LMOD1: variants seen among roughly 807,000 people sequenced by gnomAD.
The protein encoded by LMOD1 is leiomodin 1, also known as leiomodin-1.
LMOD1 carries 8 observed loss-of-function variants against 36.5 expected under a neutral mutation model. The ratio of observed to expected loss-of-function variants is 0.22; its 90% CI spans 0.13 to 0.40. The LOEUF is 0.40. Ranked by LOEUF, LMOD1 falls within the 10% of genes least tolerant of loss-of-function variation. The probability of loss-of-function intolerance (pLI) is 1.00; values close to 1 mark genes in which losing one functional copy is unlikely to be tolerated. For missense variants in LMOD1, 630 were observed against 751.1 expected, an observed-to-expected ratio of 0.84 and a Z score of 1.88; for synonymous variants, 284 against 288.7, an observed-to-expected ratio of 0.98 and a Z score of 0.17.
At chr1:201,911,952 A>G (rs934332226) in intron 1 of LMOD1, among the ~76,000 whole-genome samples, 13 of 152,226 alleles carry the variant, frequency 8.5e-5, no homozygotes, top group African/African-American at 1.7e-4. Context: ...CCTGGGGCAC[A>G]GAGCAGGGCC....
rs752738180 is a variant in LMOD1 at position 201,900,022 on chromosome 1, C to T, written c.991G>A (p.Glu331Lys). The T allele has an allele frequency of 1.8e-5, 29 of 1,613,688 alleles. No homozygotes were observed. Among genetic ancestry groups the T allele is most frequent in the East Asian group, 8.9e-5 (4 of 44,880 alleles). Reference protein sequence around the residue: ...PLERVKNNDPEMTEVNVNNSD... With the variant: ...PLERVKNNDPKMTEVNVNNSD... ...TTGTTGACGTTCACCTCAGTCATCT[C>T]GGGGTCATTGTTCTTCACTCTCTCC... Residue 331 changes from glutamate to lysine, a missense_variant, in exon 2 of 3, where the codon GAG (glutamate) becomes AAG (lysine). Transcript: ENST00000367288.
chr1:201,923,679 C>T (rs201680768), intron 1 of LMOD1, among the ~76,000 whole-genome samples: 2 of 152,168 alleles, frequency 1.3e-5, no homozygotes, highest in East Asian at 3.9e-4. Flanking sequence ...GCCTGGGCAA[C>T]ATGGCAAAAC....
At chr1:201,901,093 A>G (rs2820313) in intron 1 of LMOD1, among the ~76,000 whole-genome samples, 47,860 of 152,112 alleles carry the variant, frequency 0.31, 7,735 homozygotes, top group African/African-American at 0.35. Context: ...CTTCCAAGCA[A>G]TGCCCTGCCA....
chr1:201,921,858 G>C (rs564497404), intron 1 of LMOD1, among the ~76,000 whole-genome samples: 1 of 152,116 alleles, frequency 6.6e-6, no homozygotes, highest in East Asian at 1.9e-4. Context: ...TGCTCGGGAG[G>C]CTGAGGCAGG....
chr1:201,915,124 C>T (rs906517719), intron 1 of LMOD1, among the ~76,000 whole-genome samples: 3 of 152,174 alleles, frequency 2.0e-5, no homozygotes, highest in South Asian at 2.1e-4. Context: ...AAGCATCTGG[C>T]GCTATTGGCC....
chr1:201,926,293 T>C (rs1681826590), intron 1 of LMOD1, among the ~76,000 whole-genome samples: 1 of 152,186 alleles, frequency 6.6e-6, no homozygotes, highest in South Asian at 2.1e-4. Flanking sequence ...TGAGTCTTTT[T>C]TCTCTTTTAG....
chr1:201,937,505 C>T (rs573873286), intron 1 of LMOD1, among the ~76,000 whole-genome samples: 10 of 151,770 alleles, frequency 6.6e-5, no homozygotes, highest in Middle Eastern at 3.2e-3. Context: ...GGCTCATGCC[C>T]GTAATCTCAG....
At position 201,899,162 on chromosome 1, in the gene LMOD1, C is replaced by T. The variant is rs926724034; in HGVS notation, c.1776+75G>A. The T allele has an allele frequency of 7.5e-7, 1 of 1,341,630 alleles. No individual in the cohort carries two copies. 83.1% of individuals were successfully genotyped at this position (1,341,630 alleles called of 1,614,324 possible). A position where few individuals can be genotyped will look rare whatever the true frequency, so the allele number is the denominator to read the frequency against. On this transcript the variant is annotated intron_variant, in intron 2 of 2. Transcript: ENST00000367288. The surrounding 1 kb of genome is among the most constrained non-coding windows in gnomAD (Gnocchi z 6.3). ...CGACATAAGCTCCTCTGCATGCCTT[C>T]CCTTTTGCAGTCCTACCCTCTCCTC...
rs902928999 is a variant in LMOD1 at position 201,896,617 on chromosome 1, A to G, written c.*1755T>C. 6.6e-6 allele frequency: 3 copies of G among 456,654 alleles called. No individual in the cohort carries two copies. Among genetic ancestry groups the G allele is most frequent in the Admixed American group, 2.3e-5 (1 of 42,568 alleles). The allele number at this position is 456,654 out of a possible 1,614,324, so 28.3% of individuals were successfully genotyped here. On this transcript the variant is annotated 3_prime_UTR_variant, in exon 3 of 3. Coordinates refer to ENST00000367288, the MANE Select transcript of LMOD1 (RefSeq NM_012134.3). ...AGCTAGTGCCCAGTGCCCAGCAGGCACAGGGGGGTGCAGTGGGACTGACAG... is the reference window on the plus strand; with the variant it reads ...AGCTAGTGCCCAGTGCCCAGCAGGCGCAGGGGGGTGCAGTGGGACTGACAG...
At chr1:201,901,543 T>C (rs1571573880) in intron 1 of LMOD1, among the ~76,000 whole-genome samples, 5 of 16,522 alleles carry the variant, frequency 3.0e-4, no homozygotes, top group Non-Finnish European at 4.8e-4. Context: ...TATATATATA[T>C]ATATATATAC....
chr1:201,922,338 CAA>C (rs1162733636), intron 1 of LMOD1, among the ~76,000 whole-genome samples: 1 of 152,162 alleles, frequency 6.6e-6, no homozygotes, highest in Non-Finnish European at 1.5e-5. Context: ...GGAAAGCACC[CAA>C]AGTCTATTAA....
In LMOD1 at chr1:201,899,576, C is replaced by A. The variant is rs779278105; in HGVS notation, c.1437G>T (p.Leu479=). The A allele has an allele frequency of 4.0e-5, 65 of 1,613,250 alleles. No homozygotes were observed. In the East Asian group the frequency reaches 8.2e-4, roughly 20 times the overall value. ...RNMDKQRQKR[L]QEQRQAQEAK... ...CTTCCTGTGCCTGCCTTTGCTCCTG[C>A]AGCCGCTTTTGTCTCTGCTTGTCCA... is the stretch of plus-strand genomic sequence containing the variant. The change falls in exon 2 of 3, where the codon CTG becomes CTT. Residue 479 remains leucine (L), a synonymous_variant. Transcript: ENST00000367288. The surrounding 1 kb of genome is among the most constrained non-coding windows in gnomAD (Gnocchi z 6.3).
rs183261450 is a variant in LMOD1 at position 201,929,647 on chromosome 1, G to T, written c.261+16433C>A. 1.3e-3 allele frequency among the ~76,000 whole-genome samples: 198 copies of T among 152,248 alleles called. 2 individuals carry two copies. Among genetic ancestry groups the T allele is most frequent in the African/African-American group, 4.5e-3 (188 of 41,548 alleles). On this transcript the variant is annotated intron_variant, in intron 1 of 2. Coordinates refer to ENST00000367288, the MANE Select transcript of LMOD1 (RefSeq NM_012134.3). ...TCATATTTTCAAATAGTCTCAGAAG[G>T]GTATAGATGAATTACAAATTTTGTA...
intron 1 of LMOD1, among the ~76,000 whole-genome samples, chr1:201,942,870 A>G (rs1415082715): frequency 6.6e-6 from 1 of 152,174 alleles, no homozygotes; most frequent in Non-Finnish European, 1.5e-5. Context: ...AATTTTTCCC[A>G]TAAATATTTA....
chr1:201,914,091 C>T lies in LMOD1; in HGVS notation c.262-13340G>A, dbSNP rs1681558923. 2.6e-5 allele frequency among the ~76,000 whole-genome samples: 4 copies of T among 152,146 alleles called. No homozygotes were observed. The South Asian group carries it at 8.3e-4, about 32-fold the overall frequency. ...ACCACCCACCTTGACTGCTTCACCTCTTGTTCTATCCAGCACGTCAGTCAT... is the reference window on the plus strand; with the variant it reads ...ACCACCCACCTTGACTGCTTCACCTTTTGTTCTATCCAGCACGTCAGTCAT... On this transcript the variant is annotated intron_variant, in intron 1 of 2. Coordinates refer to ENST00000367288, the MANE Select transcript of LMOD1 (RefSeq NM_012134.3).
At chr1:201,930,591 C>G (rs761031005) in intron 1 of LMOD1, among the ~76,000 whole-genome samples, 4 of 152,166 alleles carry the variant, frequency 2.6e-5, no homozygotes, top group Non-Finnish European at 5.9e-5. Context: ...ATTTGCAGAC[C>G]AGTTGAATTT....
At chr1:201,945,954 C>T in intron 1 of LMOD1, 126 bp downstream of exon 1, 1 of 955,196 alleles carries the variant, frequency 1.0e-6, no homozygotes, top group Non-Finnish European at 1.6e-6. Context: ...ATCATCAGTT[C>T]TGAAGCATTA....
At chr1:201,905,478 A>G (rs1391587558) in intron 1 of LMOD1, among the ~76,000 whole-genome samples, 4 of 152,230 alleles carry the variant, frequency 2.6e-5, no homozygotes, top group African/African-American at 9.6e-5. Flanking sequence ...CAGAGGAGAG[A>G]ACATTTCACC....
chr1:201,924,665 AAAAGAAAGAAAGAAAG>A (rs547652390), intron 1 of LMOD1, among the ~76,000 whole-genome samples: 8,206 of 130,152 alleles, frequency 0.063, 403 homozygotes, highest in Middle Eastern at 0.13. Flanking sequence ...AGAAAGAAAA[AAAAGAAAGAAAGAAAG>A]AAAGAAAGAA....
Sources: gnomAD v4.1 joint callset for allele counts (sites outside exome capture counted in the v4.1 genomes callset) on GRCh38, gnomAD v4.1.1 for gene constraint, Gnocchi (gnomAD v3.1) non-coding constraint, MANE v1.5 for transcripts, NCBI Gene and HGNC (gene_info 2026-07-23, HGNC 2026-07-21) for gene names.